The following PCLO variants were observed in gnomAD, a reference collection of about 807,000 sequenced individuals.
PCLO encodes protein piccolo.
In PCLO, 82 loss-of-function variants were observed where a neutral mutation model predicts 427.5. The observed-to-expected ratio is 0.19, with a 90% confidence interval of 0.16 to 0.23. PCLO has a LOEUF of 0.23. Among genes scored for constraint, PCLO ranks in the 10% least tolerant of loss-of-function variants. PCLO has a pLI of 1.00. For missense variants in PCLO, 6,239 were observed against 6,115.9 expected (o/e 1.02, Z -0.67); for synonymous variants, 2,357 against 2,155.4 (o/e 1.09, Z -2.59).
In PCLO at chr7:82,951,773, G is replaced by A. The variant is rs923726356; in HGVS notation, c.9097+83C>T. The A allele has an allele frequency of 6.7e-6, 10 of 1,500,710 alleles. No individual in the cohort carries two copies. In the East Asian group the frequency reaches 2.3e-4, roughly 34 times the overall value. 93.0% of individuals were successfully genotyped at this position (1,500,710 alleles called of 1,614,324 possible). ...GAGAAAAAGTAACAAAACTGGAAAA[G>A]AAGCCACATTTTCATCCTGAAATGA... On this transcript the variant is annotated intron_variant, in intron 5 of 24. Coordinates refer to ENST00000333891, the MANE Select transcript of PCLO (RefSeq NM_033026.6).
intron 3 of PCLO, among the ~76,000 whole-genome samples, chr7:83,093,784 C>G (rs1373192499): frequency 2.1e-5 from 3 of 139,886 alleles, no homozygotes; most frequent in Non-Finnish European, 4.6e-5. Flanking sequence ...TAAGCCACCA[C>G]GCCCGACCAC....
At chr7:83,053,649 C>T (rs550795107) in intron 3 of PCLO, among the ~76,000 whole-genome samples, 2 of 151,772 alleles carry the variant, frequency 1.3e-5, no homozygotes, top group Non-Finnish European at 3.0e-5. Flanking sequence ...GGGAATTGAG[C>T]CATGTTTTAG....
intron 22 of PCLO, among the ~76,000 whole-genome samples, chr7:82,778,933 G>C (rs1422014150): frequency 3.3e-5 from 5 of 151,264 alleles, no homozygotes; most frequent in African/African-American, 9.7e-5. Context: ...TTAGTCCTTT[G>C]GTCTTTTATG....
At chr7:82,765,108 A>C (rs1350878770) in intron 22 of PCLO, among the ~76,000 whole-genome samples, 1 of 151,904 alleles carries the variant, frequency 6.6e-6, no homozygotes, top group East Asian at 1.9e-4. Flanking sequence ...TCAACTAACC[A>C]ACTTTTGGGT....
At chr7:83,075,771 C>T (rs942510626) in intron 3 of PCLO, among the ~76,000 whole-genome samples, 1 of 152,024 alleles carries the variant, frequency 6.6e-6, no homozygotes, top group African/African-American at 2.4e-5. Flanking sequence ...ATGATTATGA[C>T]ATTTTAAATA....
chr7:82,823,313 G>T (rs1791842982), intron 19 of PCLO, among the ~76,000 whole-genome samples: 1 of 152,092 alleles, frequency 6.6e-6, no homozygotes, highest in Admixed American at 6.6e-5. Context: ...ACTGGACATG[G>T]ACTCACTTTC....
At chr7:82,821,255 T>C in intron 20 of PCLO, 1 of 987,210 alleles carries the variant, frequency 1.0e-6, no homozygotes, top group Non-Finnish European at 1.2e-6. Flanking sequence ...GTGTCTGTGC[T>C]GCTTCCTGGC....
At chr7:83,022,590 T>C (rs948269939) in intron 3 of PCLO, among the ~76,000 whole-genome samples, 4 of 152,180 alleles carry the variant, frequency 2.6e-5, no homozygotes, top group African/African-American at 4.8e-5. Flanking sequence ...CAATATACAC[T>C]AGCTAAACAC....
At chr7:82,944,859 T>A (rs1795165571) in intron 6 of PCLO, among the ~76,000 whole-genome samples, 1 of 152,224 alleles carries the variant, frequency 6.6e-6, no homozygotes, top group Admixed American at 6.5e-5. Context: ...CCTTATTCAC[T>A]TAATCTTTAC....
intron 7 of PCLO, among the ~76,000 whole-genome samples, chr7:82,914,107 A>T (rs1440089223): frequency 6.6e-6 from 1 of 152,014 alleles, no homozygotes. Flanking sequence ...TAAAACAGAA[A>T]TCTTTTATTT....
rs749847199 is a variant in PCLO at position 82,916,637 on chromosome 7, T to C, written c.11349A>G (p.Lys3783=). Residue 3783 remains lysine, a synonymous_variant, in exon 7 of 25, where the codon AAA becomes AAG. Coordinates refer to ENST00000333891, the MANE Select transcript of PCLO (RefSeq NM_033026.6). The part of the protein sequence containing the change: ...VERESAKLRK[K]QAELDEEEKE... Reference sequence around the variant, plus strand: ...TTTCTTCTTCATCAAGCTCTGCTTGTTTCTTTCGAAGTTTTGCAGACTCCC... The same window carrying C: ...TTTCTTCTTCATCAAGCTCTGCTTGCTTCTTTCGAAGTTTTGCAGACTCCC... 4 of 1,613,580 alleles carry C rather than the reference T, an allele frequency of 2.5e-6. No individual in the cohort carries two copies. The highest frequency in any genetic ancestry group is 2.2e-5 in the South Asian group (2 of 91,088).
chr7:83,133,884 T>C (rs1418579383), intron 3 of PCLO, among the ~76,000 whole-genome samples: 1 of 151,932 alleles, frequency 6.6e-6, no homozygotes, highest in Non-Finnish European at 1.5e-5. Flanking sequence ...GGAGTTTACA[T>C]GTGAAAATAT....
At chr7:82,949,132 A>G (rs541522919) in intron 6 of PCLO, among the ~76,000 whole-genome samples, 1 of 152,252 alleles carries the variant, frequency 6.6e-6, no homozygotes, top group African/African-American at 2.4e-5. Flanking sequence ...GCTACAGTTG[A>G]TATTTGGGAG....
At chr7:82,792,993 A>C (rs1791137887) in intron 22 of PCLO, among the ~76,000 whole-genome samples, 1 of 123,906 alleles carries the variant, frequency 8.1e-6, no homozygotes, top group Admixed American at 7.9e-5. Flanking sequence ...TTTTTTCCTT[A>C]AGTTATTAAT....
At chr7:82,817,535 C>T (rs1414120056) in intron 20 of PCLO, among the ~76,000 whole-genome samples, 3 of 152,112 alleles carry the variant, frequency 2.0e-5, no homozygotes, top group South Asian at 2.1e-4. Context: ...ACTCCCAAAC[C>T]CATCCACCCA....
intron 3 of PCLO, among the ~76,000 whole-genome samples, chr7:83,127,765 G>A (rs1218030690): frequency 3.9e-5 from 6 of 151,984 alleles, no homozygotes; most frequent in Admixed American, 3.9e-4. Context: ...GAATCATTTG[G>A]AACCAGAGAG....
chr7:82,988,157 G>A (rs1796296104), intron 3 of PCLO, among the ~76,000 whole-genome samples: 1 of 151,896 alleles, frequency 6.6e-6, no homozygotes. Context: ...TGGGACTACA[G>A]GCATGTACCA....
At chr7:82,899,500 T>C (rs931204721) in intron 9 of PCLO, among the ~76,000 whole-genome samples, 2 of 151,472 alleles carry the variant, frequency 1.3e-5, no homozygotes, top group African/African-American at 4.8e-5. Context: ...TAGGATTATT[T>C]TTCCTAAGAC....
intron 3 of PCLO, among the ~76,000 whole-genome samples, chr7:83,023,875 A>G (rs529895259): frequency 1.3e-5 from 2 of 152,344 alleles, no homozygotes; most frequent in African/African-American, 2.4e-5. Context: ...TGGTTTCTCA[A>G]TAAGTCTTGA....
Sources: allele counts gnomAD v4.1 joint callset (sites outside exome capture counted in the v4.1 genomes callset), GRCh38; gene constraint gnomAD v4.1.1; transcripts MANE v1.5; gene names NCBI Gene and HGNC (gene_info 2026-07-23, HGNC 2026-07-21).